The following NUBPL variants were observed in gnomAD, a reference collection of about 807,000 sequenced individuals.
The protein encoded by NUBPL is NUBP iron-sulfur cluster assembly factor, mitochondrial.
Under a neutral mutation model 45.7 loss-of-function variants are expected in NUBPL, and 31 were observed. That is an observed-to-expected ratio of 0.68 (90% CI 0.51 to 0.92). The LOEUF (loss-of-function observed/expected upper bound fraction) is 0.92. Among genes scored for constraint, NUBPL ranks in the 40% least tolerant of loss-of-function variants. The pLI is 0.00. For missense variants in NUBPL, 401 were observed against 398.7 expected, an observed-to-expected ratio of 1.01 and a Z score of -0.05; for synonymous variants, 144 against 140.9, an observed-to-expected ratio of 1.02 and a Z score of -0.15.
rs192161153 is a variant in NUBPL, at chr14:31,715,939, G to A, written c.513+42365G>A. ...CCACAAACACATTATACATCTGTAC[G>A]GAAATATTTTCTTTCTTTACATCCT... is the stretch of plus-strand genomic sequence containing the variant. On this transcript the variant is annotated intron_variant, in intron 6 of 10. Coordinates refer to ENST00000281081, the MANE Select transcript of NUBPL (RefSeq NM_025152.3). Among the ~76,000 whole-genome samples the A allele has an allele frequency of 2.4e-3, 369 of 151,986 alleles. 1 individual carries two copies. Among genetic ancestry groups the A allele is most frequent in the African/African-American group, 8.2e-3 (341 of 41,454 alleles).
intron 6 of NUBPL, among the ~76,000 whole-genome samples, chr14:31,739,942 T>A (rs1392987259): frequency 6.6e-6 from 1 of 152,200 alleles, no homozygotes; most frequent in Admixed American, 6.5e-5. Flanking sequence ...TTCTTTCACT[T>A]AGCAGTAGCA....
chr14:31,806,682 C>T (rs191910842), intron 7 of NUBPL, among the ~76,000 whole-genome samples: 1 of 152,224 alleles, frequency 6.6e-6, no homozygotes, highest in Non-Finnish European at 1.5e-5. Context: ...AGGTTTGTTA[C>T]ATATGTGTAT....
chr14:31,665,800 T>G (rs2036394184), intron 4 of NUBPL, among the ~76,000 whole-genome samples: 4 of 152,090 alleles, frequency 2.6e-5, no homozygotes, highest in Admixed American at 2.6e-4. Context: ...ATTTTCTGTC[T>G]TGTTGATCTG....
chr14:31,723,988 G>A (rs1215755067), intron 6 of NUBPL, among the ~76,000 whole-genome samples: 1 of 152,156 alleles, frequency 6.6e-6, no homozygotes, highest in Non-Finnish European at 1.5e-5. Flanking sequence ...AAGTTGAATA[G>A]GAGTGGTGAG....
At chr14:31,571,489 G>T (rs2033582540) in intron 3 of NUBPL, among the ~76,000 whole-genome samples, 3 of 150,040 alleles carry the variant, frequency 2.0e-5, no homozygotes, top group African/African-American at 7.4e-5. Context: ...TCACTCTGTT[G>T]CCCAGGCTGG....
chr14:31,756,307 CGATATT>C (rs1164337109), intron 6 of NUBPL, among the ~76,000 whole-genome samples: 1 of 152,082 alleles, frequency 6.6e-6, no homozygotes, highest in Non-Finnish European at 1.5e-5. Flanking sequence ...GTCATTTTCA[CGATATT>C]GATTCTTCCT....
At chr14:31,844,818 A>G (rs2040428013) in intron 8 of NUBPL, 1 of 152,196 alleles carries the variant, frequency 6.6e-6, no homozygotes, top group Non-Finnish European at 1.5e-5. Context: ...TGTAATCTCT[A>G]AGCCTCTGAA....
At chr14:31,794,793 T>C (rs1215531580) in intron 7 of NUBPL, among the ~76,000 whole-genome samples, 2 of 34,950 alleles carry the variant, frequency 5.7e-5, no homozygotes, top group African/African-American at 2.7e-4. Context: ...GTTTTGGACA[T>C]GAAGTCCTTG....
chr14:31,614,238 T>G (rs1399468415), intron 4 of NUBPL, among the ~76,000 whole-genome samples: 1 of 152,186 alleles, frequency 6.6e-6, no homozygotes, highest in African/African-American at 2.4e-5. Flanking sequence ...TATAATACAT[T>G]TAACACAGAA....
At chr14:31,800,002 T>C (rs1385193853) in intron 7 of NUBPL, among the ~76,000 whole-genome samples, 1 of 152,244 alleles carries the variant, frequency 6.6e-6, no homozygotes, top group Non-Finnish European at 1.5e-5. Flanking sequence ...AATCCTTTGT[T>C]GTCATTTCAA....
chr14:31,779,067 C>T (rs527544669), intron 6 of NUBPL, among the ~76,000 whole-genome samples: 5 of 152,156 alleles, frequency 3.3e-5, no homozygotes, highest in Admixed American at 6.5e-5. Flanking sequence ...ATGGGTCAGG[C>T]GTGGTGGCTC....
At chr14:31,642,084 C>T (rs1007821122) in intron 4 of NUBPL, among the ~76,000 whole-genome samples, 15 of 151,888 alleles carry the variant, frequency 9.9e-5, no homozygotes, top group Non-Finnish European at 8.8e-5. Context: ...TTTATTAATC[C>T]CTTGTCAGAT....
intron 6 of NUBPL, among the ~76,000 whole-genome samples, chr14:31,697,078 CAG>C (rs2139880725): frequency 6.6e-6 from 1 of 152,266 alleles, no homozygotes; most frequent in South Asian, 2.1e-4. Context: ...TTGTTCTGAC[CAG>C]ACAGATAAAC....
intron 3 of NUBPL, among the ~76,000 whole-genome samples, chr14:31,591,116 A>C (rs551671525): frequency 2.0e-5 from 3 of 152,216 alleles, no homozygotes; most frequent in African/African-American, 7.2e-5. Context: ...GCAGATAAAA[A>C]ATTTTCTTCT....
chr14:31,825,591 TCTC>T (rs560131593), intron 7 of NUBPL, among the ~76,000 whole-genome samples: 7 of 150,496 alleles, frequency 4.7e-5, no homozygotes, highest in Non-Finnish European at 8.9e-5. Flanking sequence ...ACCTCCTCCT[TCTC>T]CTCCTCCTCA....
At chr14:31,754,252 A>G (rs1736397195) in intron 6 of NUBPL, among the ~76,000 whole-genome samples, 1 of 152,226 alleles carries the variant, frequency 6.6e-6, no homozygotes, top group African/African-American at 2.4e-5. Context: ...GAAAAAGTAT[A>G]AGATCTAGGC....
intron 1 of NUBPL, 146 bp from the exon 2 acceptor site, chr14:31,561,922 G>A: frequency 1.3e-6 from 1 of 741,830 alleles, no homozygotes; most frequent in Non-Finnish European, 2.2e-6. Flanking sequence ...ATCAGTAGTA[G>A]TAGGTAAATG....
At chr14:31,848,174 G>A (rs17379887) in intron 9 of NUBPL, among the ~76,000 whole-genome samples, 15,290 of 152,158 alleles carry the variant, frequency 0.1, 932 homozygotes, top group Non-Finnish European at 0.14. Flanking sequence ...AAAATTTGAT[G>A]GTGCCCTAGA....
chr14:31,840,867 T>A (rs144032265), intron 8 of NUBPL, among the ~76,000 whole-genome samples: 144 of 152,328 alleles, frequency 9.5e-4, no homozygotes, highest in African/African-American at 3.1e-3. Context: ...TTCTAGTCAC[T>A]ACCCCAAAAT....
Sources: allele counts gnomAD v4.1 joint callset (sites outside exome capture counted in the v4.1 genomes callset), GRCh38; gene constraint gnomAD v4.1.1; transcripts MANE v1.5; gene names NCBI Gene and HGNC (gene_info 2026-07-23, HGNC 2026-07-21).